PPFIA2: variants seen among roughly 807,000 people sequenced by gnomAD.
The protein encoded by PPFIA2 is PPFI scaffold protein A2.
A neutral mutation model predicts 175.5 loss-of-function variants in PPFIA2; 46 were observed. The ratio of observed to expected loss-of-function variants is 0.26; its 90% confidence interval spans 0.21 to 0.34. The LOEUF (loss-of-function observed/expected upper bound fraction) is 0.34. PPFIA2 is among the 10% of genes least tolerant of loss of function. PPFIA2 has a pLI of 1.00. For missense variants in PPFIA2, 1,179 were observed against 1,506.1 expected (o/e 0.78, Z 3.60); for synonymous variants, 568 against 511.4 (o/e 1.11, Z -1.49).
At chr12:81,606,652 T>C (rs2153462110) in intron 4 of PPFIA2, among the ~76,000 whole-genome samples, 1 of 152,290 alleles carries the variant, frequency 6.6e-6, no homozygotes, top group South Asian at 2.1e-4. Context: ...TTGCCCATTT[T>C]TAATGAGGTT....
rs548140277 is a variant in PPFIA2 at position 81,439,818 on chromosome 12, G to T, written c.645+154C>A. The T allele has an allele frequency of 1.0e-4, 67 of 667,506 alleles. No individual in the cohort carries two copies. The African/African-American group carries it at 1.1e-3, about 11-fold the overall frequency. 41.3% of individuals were successfully genotyped at this position (667,506 alleles called of 1,614,324 possible). A position where few individuals can be genotyped will look rare whatever the true frequency, so the allele number is the denominator to read the frequency against. On this transcript the variant is annotated intron_variant, in intron 7 of 32. Transcript: ENST00000549396. ...TAAATAACCAAAAATCAGAAAACAAGACTCCGGCAACTAATTTCAACAAGC... is the reference window on the plus strand; with the variant it reads ...TAAATAACCAAAAATCAGAAAACAATACTCCGGCAACTAATTTCAACAAGC...
intron 3 of PPFIA2, among the ~76,000 whole-genome samples, chr12:81,734,547 A>G (rs1442495183): frequency 1.3e-5 from 2 of 151,918 alleles, no homozygotes; most frequent in East Asian, 3.9e-4. Flanking sequence ...GGTGATTGTT[A>G]AAAGTATAAA....
chr12:81,698,947 GT>G (rs1567910076), intron 3 of PPFIA2, among the ~76,000 whole-genome samples: 2 of 152,018 alleles, frequency 1.3e-5, no homozygotes, highest in East Asian at 3.9e-4. Flanking sequence ...TATTATAAGC[GT>G]TGGTAGAGCT....
At chr12:81,726,732 T>G (rs1410465001) in intron 3 of PPFIA2, among the ~76,000 whole-genome samples, 2 of 151,320 alleles carry the variant, frequency 1.3e-5, no homozygotes, top group South Asian at 2.1e-4. Flanking sequence ...TCAAAAAAGA[T>G]TATATGGCCT....
chr12:81,397,564 C>G (rs1161830258), intron 8 of PPFIA2, among the ~76,000 whole-genome samples: 2 of 152,020 alleles, frequency 1.3e-5, no homozygotes, highest in Non-Finnish European at 1.5e-5. Flanking sequence ...GGAGTGGCTT[C>G]TGTGCTATGG....
chr12:81,357,491 A>C (rs2061024882), intron 16 of PPFIA2, among the ~76,000 whole-genome samples: 1 of 152,208 alleles, frequency 6.6e-6, no homozygotes. Context: ...AACAGCTTGC[A>C]AATTTTAAAT....
chr12:81,302,564 G>T, intron 22 of PPFIA2: 1 of 286,186 alleles, frequency 3.5e-6, no homozygotes, highest in Admixed American at 4.4e-5. Context: ...CCAACAGTTA[G>T]GGCAAAATCT....
At chr12:81,504,011 TAGAC>T (rs2060871148) in intron 4 of PPFIA2, among the ~76,000 whole-genome samples, 2 of 152,186 alleles carry the variant, frequency 1.3e-5, no homozygotes, top group African/African-American at 4.8e-5. Context: ...TGATTAAAGT[TAGAC>T]AGTGATATAT....
intron 2 of PPFIA2, among the ~76,000 whole-genome samples, chr12:81,756,894 T>C (rs1456362658): frequency 6.6e-6 from 1 of 152,128 alleles, no homozygotes; most frequent in Non-Finnish European, 1.5e-5. Context: ...AAAATCAAAT[T>C]ATGCAAAATT....
chr12:81,607,371 A>T (rs1477659119), intron 4 of PPFIA2, among the ~76,000 whole-genome samples: 13 of 152,036 alleles, frequency 8.6e-5, no homozygotes, highest in Admixed American at 4.6e-4. Flanking sequence ...AAGTAGTTGA[A>T]TCTGTAAATT....
At chr12:81,330,181 G>T (rs1018270307) in intron 21 of PPFIA2, among the ~76,000 whole-genome samples, 1 of 152,050 alleles carries the variant, frequency 6.6e-6, no homozygotes, top group Non-Finnish European at 1.5e-5. Flanking sequence ...ATGCTCCTAC[G>T]CACGATAGCA....
At position 81,747,721 on chromosome 12, in the gene PPFIA2, T is replaced by C. The variant is rs2083248995; in HGVS notation, c.249+6252A>G. On this transcript the variant is annotated intron_variant, in intron 3 of 32. Coordinates refer to ENST00000549396, the MANE Select transcript of PPFIA2 (RefSeq NM_003625.5). ...TGACCAAGGTTATTGAGCTAGTAAG[T>C]AGCAAGTCCAATTATACCTAGGTAG... 1.4e-5 allele frequency among the ~76,000 whole-genome samples: 2 copies of C among 144,146 alleles called. 1 individual carries two copies. The highest frequency in any genetic ancestry group is 1.5e-4 in the Admixed American group (2 of 13,642). 94.6% of individuals were successfully genotyped at this position (144,146 alleles called of 152,430 possible). A position where few individuals can be genotyped will look rare whatever the true frequency, so the allele number is the denominator to read the frequency against.
intron 21 of PPFIA2, among the ~76,000 whole-genome samples, chr12:81,330,422 C>T (rs2055875777): frequency 6.6e-6 from 1 of 152,042 alleles, no homozygotes; most frequent in Non-Finnish European, 1.5e-5. Context: ...CTTTCCTTCC[C>T]TGAGTATACA....
At chr12:81,349,925 A>C (rs1490160771) in intron 17 of PPFIA2, among the ~76,000 whole-genome samples, 1 of 152,206 alleles carries the variant, frequency 6.6e-6, no homozygotes, top group African/African-American at 2.4e-5. Flanking sequence ...AAAAATCTTA[A>C]TCACAGAAAA....
chr12:81,278,362 G>T (rs931683765), intron 27 of PPFIA2, among the ~76,000 whole-genome samples: 1 of 151,948 alleles, frequency 6.6e-6, no homozygotes, highest in African/African-American at 2.4e-5. Flanking sequence ...TCAATATGGT[G>T]AAACCCCGTC....
chr12:81,692,109 GACACACACAC>G (rs71098161), intron 3 of PPFIA2, among the ~76,000 whole-genome samples: 55 of 149,408 alleles, frequency 3.7e-4, no homozygotes, highest in Non-Finnish European at 7.4e-4. Context: ...CACAAACACA[GACACACACAC>G]ACACACACAC....
intron 4 of PPFIA2, chr12:81,512,461 A>C (rs1372252610): frequency 4.7e-6 from 3 of 639,788 alleles, no homozygotes; most frequent in Non-Finnish European, 4.4e-6. Flanking sequence ...CTTCCTTTAA[A>C]GTTAACTCAT....
intron 21 of PPFIA2, among the ~76,000 whole-genome samples, chr12:81,332,775 G>A (rs2056385291): frequency 6.6e-6 from 1 of 152,138 alleles, no homozygotes; most frequent in South Asian, 2.1e-4. Flanking sequence ...AGACCAGGAA[G>A]TAGGAGCCAG....
chr12:81,685,588 G>A (rs989709165), intron 3 of PPFIA2, among the ~76,000 whole-genome samples: 2 of 151,960 alleles, frequency 1.3e-5, no homozygotes, highest in African/African-American at 4.8e-5. Context: ...AGTAAATCAA[G>A]GTCACAGGTT....
Sources: gnomAD v4.1 joint callset for allele counts (sites outside exome capture counted in the v4.1 genomes callset) on GRCh38, gnomAD v4.1.1 for gene constraint, MANE v1.5 for transcripts, NCBI Gene and HGNC (gene_info 2026-07-23, HGNC 2026-07-21) for gene names.